The following ERGIC1 variants were observed in gnomAD, a reference collection of about 807,000 sequenced individuals.
ERGIC1 encodes the protein endoplasmic reticulum-golgi intermediate compartment 1, also known as endoplasmic reticulum-Golgi intermediate compartment protein 1.
In ERGIC1, 19 loss-of-function variants were observed where a neutral mutation model predicts 38.3. The ratio of observed to expected loss-of-function variants is 0.50; its 90% CI spans 0.35 to 0.73. The LOEUF (loss-of-function observed/expected upper bound fraction) is 0.73, where lower values mean the gene tolerates loss of function less well. ERGIC1 is among the 30% of genes least tolerant of loss of function. ERGIC1 has a pLI of 0.01. For synonymous variants in ERGIC1, 124 were observed against 157.6 expected (o/e 0.79, Z 1.60); for missense variants, 294 against 389.2 (o/e 0.76, Z 2.06).
intron 2 of ERGIC1, among the ~76,000 whole-genome samples, chr5:172,894,341 G>T (rs1002183892): frequency 1.3e-5 from 2 of 150,764 alleles, no homozygotes; most frequent in South Asian, 4.2e-4. Flanking sequence ...GACTACAGGC[G>T]CCTGCCACAA....
chr5:172,893,905 A>ATATATATATATGTGTGTGTGTGTGTGTG (rs1173039695), intron 2 of ERGIC1, among the ~76,000 whole-genome samples: 1 of 15,544 alleles, frequency 6.4e-5, no homozygotes, highest in Non-Finnish European at 2.1e-4. Flanking sequence ...ATATATATAT[A>ATATATATATATGTGTGTGTGTGTGTGTG]TGTGTGTGTG....
At position 172,951,910 on chromosome 5, in the gene ERGIC1, A is replaced by T. The variant is rs1041250463; in HGVS notation, c.*1094A>T. On this transcript the variant is annotated 3_prime_UTR_variant, in exon 10 of 10. Coordinates refer to ENST00000393784, the MANE Select transcript of ERGIC1 (RefSeq NM_001031711.3). The stretch of plus-strand genomic sequence containing the variant: ...GGGTGCAGAGCACTTGGGTTTCTCT[A>T]CAGCCATCGTGGCCCACTTGACACT... 2.0e-5 allele frequency: 3 copies of T among 152,230 alleles called. No homozygotes were observed. The highest frequency in any genetic ancestry group is 7.2e-5 in the African/African-American group (3 of 41,438). The allele number at this position is 152,230 out of a possible 1,614,324, so 9.4% of individuals were successfully genotyped here. A position where few individuals can be genotyped will look rare whatever the true frequency, so the allele number is the denominator to read the frequency against.
chr5:172,939,056 C>G (rs1038212010), intron 9 of ERGIC1, among the ~76,000 whole-genome samples: 10 of 151,338 alleles, frequency 6.6e-5, no homozygotes, highest in Non-Finnish European at 1.5e-4. Context: ...GAGTGAGACT[C>G]CATCTCAAAA....
intron 9 of ERGIC1, among the ~76,000 whole-genome samples, chr5:172,939,583 C>T (rs1374292257): frequency 6.6e-6 from 1 of 152,224 alleles, no homozygotes; most frequent in African/African-American, 2.4e-5. Context: ...TGTCCTTGGC[C>T]ACCAGCCTGT....
chr5:172,848,823 G>C (rs1761338792), intron 1 of ERGIC1, among the ~76,000 whole-genome samples: 1 of 152,172 alleles, frequency 6.6e-6, no homozygotes, highest in African/African-American at 2.4e-5. Context: ...CTTTGTGTTT[G>C]GAAAATGTTT....
intron 2 of ERGIC1, among the ~76,000 whole-genome samples, chr5:172,896,414 A>T (rs912215032): frequency 6.6e-6 from 1 of 152,230 alleles, no homozygotes; most frequent in African/African-American, 2.4e-5. Context: ...ACCGCTGTCT[A>T]TAGCCCCTTC....
At chr5:172,870,557 A>C (rs1761977946) in intron 1 of ERGIC1, among the ~76,000 whole-genome samples, 1 of 152,232 alleles carries the variant, frequency 6.6e-6, no homozygotes, top group Non-Finnish European at 1.5e-5. Flanking sequence ...TCTCTTTCAG[A>C]GGGAAAGGTG....
intron 3 of ERGIC1, among the ~76,000 whole-genome samples, chr5:172,908,662 AGC>A (rs1179840819): frequency 6.6e-6 from 1 of 152,168 alleles, no homozygotes; most frequent in Non-Finnish European, 1.5e-5. Flanking sequence ...AAGCCTAGGC[AGC>A]GCCTAGAAGC....
chr5:172,919,776 C>T (rs1763462671), intron 5 of ERGIC1, among the ~76,000 whole-genome samples: 1 of 152,190 alleles, frequency 6.6e-6, no homozygotes, highest in Non-Finnish European at 1.5e-5. Flanking sequence ...CAGCTGGCAC[C>T]CACCTTACAA....
chr5:172,834,280 G>A lies in ERGIC1; in HGVS notation c.-134G>A. 1 of 854,032 alleles carries A rather than the reference G, an allele frequency of 1.2e-6. No homozygotes were observed. Among genetic ancestry groups the A allele is most frequent in the Non-Finnish European group, 1.5e-6 (1 of 674,582 alleles). 52.9% of individuals were successfully genotyped at this position (854,032 alleles called of 1,614,324 possible). A position where few individuals can be genotyped will look rare whatever the true frequency, so the allele number is the denominator to read the frequency against. On this transcript the variant is annotated 5_prime_UTR_variant, in exon 1 of 10. It adds an upstream start codon to the 5' untranslated region. Transcript: ENST00000393784. The surrounding 1 kb of genome is among the most constrained non-coding windows in gnomAD (Gnocchi z 4.1). ...CCCGGCAGCGGGAGGCGAGTGGCGA[G>A]TGGCGAGTGGCGAGTGTCAGGGGGG...
At position 172,905,413 on chromosome 5, in the gene ERGIC1, T is replaced by C. The variant is rs1405175078; in HGVS notation, c.156-4254T>C. Reference sequence around the variant, plus strand: ...CTCGGGCCTGTTACCGGCGGGTCTTTGTTCTTAGACCTGGGGTTCTTGGCC... The same window carrying C: ...CTCGGGCCTGTTACCGGCGGGTCTTCGTTCTTAGACCTGGGGTTCTTGGCC... On this transcript the variant is annotated intron_variant, in intron 3 of 9. Transcript: ENST00000393784. 12 of 464,466 alleles carry C rather than the reference T, an allele frequency of 2.6e-5. No homozygotes were observed. In the Admixed American group the frequency reaches 2.8e-4, roughly 11 times the overall value. 28.8% of individuals were successfully genotyped at this position (464,466 alleles called of 1,614,324 possible).
chr5:172,883,495 T>G (rs1762334527), intron 1 of ERGIC1, among the ~76,000 whole-genome samples: 1 of 152,220 alleles, frequency 6.6e-6, no homozygotes, highest in African/African-American at 2.4e-5. Flanking sequence ...TTTGTTTTGT[T>G]TTGTTTTGTT....
intron 9 of ERGIC1, among the ~76,000 whole-genome samples, chr5:172,942,736 C>A (rs1359923372): frequency 1.3e-5 from 2 of 152,194 alleles, no homozygotes; most frequent in African/African-American, 4.8e-5. Context: ...AGAGAGGGGC[C>A]TCCTGGCGCG....
chr5:172,925,117 G>A (rs901299035), intron 6 of ERGIC1, among the ~76,000 whole-genome samples: 4 of 151,908 alleles, frequency 2.6e-5, no homozygotes, highest in Non-Finnish European at 5.9e-5. Context: ...AGGCACCTGT[G>A]ATCCCAGCTA....
At chr5:172,937,257 G>A (rs891555766) in intron 9 of ERGIC1, 1 of 152,170 alleles carries the variant, frequency 6.6e-6, no homozygotes, top group Non-Finnish European at 1.5e-5. Context: ...GTAAGAAAAA[G>A]TTAACAACCA....
chr5:172,849,122 TG>T (rs1761343661), intron 1 of ERGIC1, among the ~76,000 whole-genome samples: 1 of 152,206 alleles, frequency 6.6e-6, no homozygotes, highest in Non-Finnish European at 1.5e-5. Context: ...CGAGAGAAGT[TG>T]AAGACCTGGC....
chr5:172,918,479 A>G (rs2113427948), intron 5 of ERGIC1: 1 of 152,434 alleles, frequency 6.6e-6, no homozygotes, highest in Non-Finnish European at 1.5e-5. Context: ...GGGGTAACAA[A>G]AGGTGCAAGA....
intron 7 of ERGIC1, among the ~76,000 whole-genome samples, chr5:172,929,244 A>G (rs559685243): frequency 2.0e-5 from 3 of 152,056 alleles, no homozygotes; most frequent in Non-Finnish European, 4.4e-5. Context: ...GCCCCACTCC[A>G]GTGGCGGGAT....
chr5:172,929,967 C>G (rs1421788235), intron 7 of ERGIC1, among the ~76,000 whole-genome samples: 1 of 152,136 alleles, frequency 6.6e-6, no homozygotes, highest in Non-Finnish European at 1.5e-5. Context: ...TCGGGTGGAT[C>G]ACGAGGTCAG....
Sources: gnomAD v4.1 joint callset for allele counts (sites outside exome capture counted in the v4.1 genomes callset) on GRCh38, gnomAD v4.1.1 for gene constraint, Gnocchi (gnomAD v3.1) non-coding constraint, MANE v1.5 for transcripts, NCBI Gene and HGNC (gene_info 2026-07-23, HGNC 2026-07-21) for gene names.